Variants in ALX4 observed in about 807,000 individuals in gnomAD.
ALX4 encodes the protein ALX homeobox 4, also known as homeobox protein aristaless-like 4.
In ALX4, 22 loss-of-function variants were observed where a neutral mutation model predicts 40.6. The ratio of observed to expected loss-of-function variants is 0.54; its 90% CI spans 0.39 to 0.77. The LOEUF is 0.77. ALX4 is among the 30% of genes least tolerant of loss of function. ALX4 has a pLI of 0.00. For missense variants in ALX4, 556 were observed against 564.8 expected (o/e 0.98, Z 0.16); for synonymous variants, 266 against 240.5 (o/e 1.11, Z -0.98).
intron 2 of ALX4, among the ~76,000 whole-genome samples, chr11:44,270,254 A>C (rs945226710): frequency 7.9e-5 from 12 of 151,950 alleles, no homozygotes; most frequent in Non-Finnish European, 1.8e-4. Context: ...GGCGGGGGAG[A>C]GGCCAGCAGA....
chr11:44,265,319 T>C (rs1005356137), intron 3 of ALX4, 136 bp from the exon 4 acceptor site: 1 of 874,098 alleles, frequency 1.1e-6, no homozygotes, highest in Middle Eastern at 3.6e-4. Context: ...TTAGCCTTGA[T>C]GGACATCCAG....
Position 44,310,073 on chromosome 11 carries a change from C to A in ALX4, c.-11G>T, listed in dbSNP as rs746807473. ...AGTCTCAGCATTCATGCCTGGCTTG[C>A]GCAGGCGGCGGGCGGGGACGCGAGC... On this transcript the variant is annotated 5_prime_UTR_variant, in exon 1 of 4. Transcript: ENST00000652299. The A allele has an allele frequency of 1.1e-5, 18 of 1,573,770 alleles. No individual in the cohort carries two copies. Among genetic ancestry groups the A allele is most frequent in the African/African-American group, 4.0e-5 (3 of 74,118 alleles).
Position 44,271,162 on chromosome 11 carries a change from C to CG in ALX4, c.778-3541_778-3540insC, listed in dbSNP as rs113458070. ...GGTTCCATCACCACCCCCTTACCCCCCCAGGGCACTGCCAGGCTTAGGGCT... is the reference window on the plus strand; with the variant it reads ...GGTTCCATCACCACCCCCTTACCCCCGCCAGGGCACTGCCAGGCTTAGGGCT... On this transcript the variant is annotated intron_variant, in intron 2 of 3. Transcript: ENST00000652299. Among the ~76,000 whole-genome samples the CG allele has an allele frequency of 2.8e-4, 35 of 124,026 alleles. 1 individual carries two copies. Among genetic ancestry groups the CG allele is most frequent in the African/African-American group, 9.3e-4 (34 of 36,706 alleles). 81.4% of individuals were successfully genotyped at this position (124,026 alleles called of 152,430 possible). A position where few individuals can be genotyped will look rare whatever the true frequency, so the allele number is the denominator to read the frequency against.
At chr11:44,273,331 A>G (rs903951753) in intron 2 of ALX4, among the ~76,000 whole-genome samples, 7 of 152,012 alleles carry the variant, frequency 4.6e-5, no homozygotes, top group African/African-American at 1.7e-4. Context: ...CGGACTGATT[A>G]TGACATTTAT....
At chr11:44,286,785 G>A (rs1007999203) in intron 1 of ALX4, among the ~76,000 whole-genome samples, 1 of 152,116 alleles carries the variant, frequency 6.6e-6, no homozygotes. Context: ...CCCACACTGT[G>A]GCCCCAGCAT....
At chr11:44,269,907 G>T (rs984367599) in intron 2 of ALX4, among the ~76,000 whole-genome samples, 4 of 152,154 alleles carry the variant, frequency 2.6e-5, no homozygotes, top group Non-Finnish European at 5.9e-5. Flanking sequence ...GGGGGAAGCT[G>T]GGGGGAGGGG....
chr11:44,288,972 C>T (rs1294586675), intron 1 of ALX4, among the ~76,000 whole-genome samples: 2 of 152,178 alleles, frequency 1.3e-5, no homozygotes, highest in Non-Finnish European at 2.9e-5. Flanking sequence ...ATTTGTCTTT[C>T]CTGTTCTCTC....
intron 3 of ALX4, among the ~76,000 whole-genome samples, chr11:44,265,463 A>AC (rs754101426): frequency 6.6e-6 from 1 of 151,592 alleles, no homozygotes; most frequent in East Asian, 1.9e-4. Flanking sequence ...ACACCCCAGC[A>AC]CCCCCCAGCT....
At chr11:44,288,960 G>A (rs1281050097) in intron 1 of ALX4, among the ~76,000 whole-genome samples, 3 of 152,124 alleles carry the variant, frequency 2.0e-5, no homozygotes, top group Non-Finnish European at 4.4e-5. Flanking sequence ...CTTGTGTCTG[G>A]AATTTGTCTT....
intron 1 of ALX4, among the ~76,000 whole-genome samples, chr11:44,305,893 C>G (rs1391691415): frequency 6.6e-6 from 1 of 152,262 alleles, no homozygotes; most frequent in Non-Finnish European, 1.5e-5. Context: ...AGCGGCCCCG[C>G]GTCTCGGGAC....
chr11:44,306,382 G>C (rs1240704588), intron 1 of ALX4, among the ~76,000 whole-genome samples: 1 of 152,230 alleles, frequency 6.6e-6, no homozygotes, highest in Non-Finnish European at 1.5e-5. Flanking sequence ...GCACTCCCTC[G>C]GCTTGGCCCA....
At chr11:44,276,321 G>T (rs186241629) in intron 1 of ALX4, among the ~76,000 whole-genome samples, 3 of 152,222 alleles carry the variant, frequency 2.0e-5, no homozygotes, top group African/African-American at 7.2e-5. Context: ...TGGGATTGAG[G>T]CATGGGCCAC....
Position 44,265,010 on chromosome 11 carries a change from G to A in ALX4, c.1080C>T (p.Gly360=), listed in dbSNP as rs1039616189. Residue 360 remains glycine, a synonymous_variant, in exon 4 of 4, where the codon GGC becomes GGT. Coordinates refer to ENST00000652299, the MANE Select transcript of ALX4 (RefSeq NM_021926.4). ...LSVSGAGSHV[G]QTHMGSLFGA... is the part of the protein sequence containing the mutation. ...CAAACAGGCTGCCCATGTGCGTCTG[G>A]CCCACGTGACTGCCAGCCCCAGACA... 1.2e-6 allele frequency: 2 copies of A among 1,612,934 alleles called. No individual in the cohort carries two copies. Among genetic ancestry groups the A allele is most frequent in the African/African-American group, 1.3e-5 (1 of 74,928 alleles).
rs116970297 is a variant in ALX4, at chr11:44,271,848, G to A, written c.777+3500C>T. ...TCAGTACTTAGTGAATTCTACTCCC[G>A]GGCACTCCCATATATTTGTTAGGAA... On this transcript the variant is annotated intron_variant, in intron 2 of 3. Coordinates refer to ENST00000652299, the MANE Select transcript of ALX4 (RefSeq NM_021926.4). 2.0e-3 allele frequency among the ~76,000 whole-genome samples: 305 copies of A among 152,170 alleles called. 2 individuals carry two copies. The highest frequency in any genetic ancestry group is 3.3e-3 in the Non-Finnish European group (225 of 68,022).
chr11:44,265,859 G>A (rs1030000563), intron 3 of ALX4, among the ~76,000 whole-genome samples: 1 of 152,200 alleles, frequency 6.6e-6, no homozygotes, highest in Non-Finnish European at 1.5e-5. Context: ...GGATGAGTTG[G>A]CCATCTTATC....
In ALX4 at chr11:44,298,998, G is replaced by C. The variant is rs551781379; in HGVS notation, c.466+10599C>G. 2.0e-5 allele frequency among the ~76,000 whole-genome samples: 3 copies of C among 152,204 alleles called. No individual in the cohort carries two copies. In the South Asian group the frequency reaches 6.2e-4, roughly 32 times the overall value. On this transcript the variant is annotated intron_variant, in intron 1 of 3. Transcript: ENST00000652299. The stretch of plus-strand genomic sequence containing the variant: ...TATTGAGCATCTACTATATAGACTA[G>C]CTCCAGGCTCTGGGGAAAGTTGGAA...
At chr11:44,297,587 G>A (rs1956410302) in intron 1 of ALX4, among the ~76,000 whole-genome samples, 1 of 151,960 alleles carries the variant, frequency 6.6e-6, no homozygotes, top group Non-Finnish European at 1.5e-5. Flanking sequence ...GCGTGGTGAC[G>A]AGCCTGTAGT....
At chr11:44,271,920 G>A (rs550895993) in intron 2 of ALX4, among the ~76,000 whole-genome samples, 1 of 152,292 alleles carries the variant, frequency 6.6e-6, no homozygotes, top group Admixed American at 6.5e-5. Flanking sequence ...CACACATACT[G>A]CACAGAAAAG....
chr11:44,292,608 A>G (rs1362447391), intron 1 of ALX4, among the ~76,000 whole-genome samples: 1 of 152,124 alleles, frequency 6.6e-6, no homozygotes, highest in Non-Finnish European at 1.5e-5. Context: ...AAAAATCCAC[A>G]TTTACAACTA....
Sources: gnomAD v4.1 joint callset for allele counts (sites outside exome capture counted in the v4.1 genomes callset) on GRCh38, gnomAD v4.1.1 for gene constraint, MANE v1.5 for transcripts, NCBI Gene and HGNC (gene_info 2026-07-23, HGNC 2026-07-21) for gene names.